Variants in UGP2 observed in about 807,000 individuals in gnomAD.
UGP2 encodes the protein UDP-glucose pyrophosphorylase 2.
Under a neutral mutation model 49.0 loss-of-function variants are expected in UGP2, and 40 were observed. The ratio of observed to expected loss-of-function variants is 0.82; its 90% confidence interval spans 0.63 to 1.06. The LOEUF (loss-of-function observed/expected upper bound fraction) is 1.06, where lower values mean the gene tolerates loss of function less well. Among genes scored for constraint, UGP2 ranks in the 50% least tolerant of loss-of-function variants. The pLI is 0.00. For missense variants in UGP2, 460 were observed against 603.5 expected (o/e 0.76, Z 2.49); for synonymous variants, 225 against 213.0 (o/e 1.06, Z -0.49).
At chr2:63,890,270 G>A (rs1672007343) in intron 9 of UGP2, 85 bp downstream of exon 9, 3 of 1,013,136 alleles carry the variant, frequency 3.0e-6, no homozygotes, top group Non-Finnish European at 4.3e-6. Flanking sequence ...TTTACTTTAA[G>A]GAATACTTGT....
rs563718454 is a variant in UGP2, at chr2:63,872,231, C to G, written c.256-10235C>G. ...CTAGAAATTCAATACTATATTTCAT[C>G]AAATTTGGGCCATTGATTATAAGTT... On this transcript the variant is annotated intron_variant, in intron 3 of 9. Transcript: ENST00000337130. Among the ~76,000 whole-genome samples the G allele has an allele frequency of 7.2e-5, 11 of 152,302 alleles. No homozygotes were observed. In the South Asian group the frequency reaches 2.3e-3, roughly 32 times the overall value.
At chr2:63,842,390 T>A in intron 1 of UGP2, 186 bp downstream of exon 1, 2 of 1,596,214 alleles carry the variant, frequency 1.3e-6, no homozygotes, top group South Asian at 2.2e-5. Flanking sequence ...CGCGTATAAT[T>A]TATGCTCCTG....
intron 8 of UGP2, chr2:63,887,992 A>G (rs750634393): frequency 1.1e-4 from 21 of 197,500 alleles, no homozygotes; most frequent in Admixed American, 2.1e-4. Context: ...TCTAGGTTCT[A>G]GGGATTTAGC....
intron 3 of UGP2, among the ~76,000 whole-genome samples, chr2:63,869,278 A>G (rs906921950): frequency 2.6e-5 from 4 of 152,212 alleles, no homozygotes; most frequent in African/African-American, 7.2e-5. Context: ...AGAGACCTAC[A>G]GTCTGTTTTA....
At chr2:63,856,503 C>G (rs538460288) in intron 2 of UGP2, 70 bp downstream of exon 2, 3 of 1,485,318 alleles carry the variant, frequency 2.0e-6, no homozygotes, top group Non-Finnish European at 2.7e-6. Context: ...GAGTTGCTGC[C>G]GGTGATGATG....
chr2:63,872,615 T>C (rs1670631649), intron 3 of UGP2, among the ~76,000 whole-genome samples: 1 of 152,208 alleles, frequency 6.6e-6, no homozygotes, highest in African/African-American at 2.4e-5. Context: ...TATATTTTAC[T>C]GTCTCATTTG....
chr2:63,845,619 G>A (rs1199886030), intron 1 of UGP2, among the ~76,000 whole-genome samples: 1 of 151,976 alleles, frequency 6.6e-6, no homozygotes, highest in East Asian at 1.9e-4. Flanking sequence ...GTACAAGTTG[G>A]TGACGGTTTT....
rs956064256 is a variant in UGP2, at chr2:63,857,769, T to A, written c.148-60T>A. ...TAAATGTGTAACTTGTATCTGTCTT[T>A]ATGTTTTTATTAAATATTAAGCATT... On this transcript the variant is annotated intron_variant, in intron 2 of 9. Transcript: ENST00000337130. 2.0e-6 allele frequency: 3 copies of A among 1,467,958 alleles called. No homozygotes were observed. In the African/African-American group the frequency reaches 4.2e-5, roughly 21 times the overall value. The allele number at this position is 1,467,958 out of a possible 1,614,324, so 90.9% of individuals were successfully genotyped here.
At chr2:63,848,700 T>G (rs1297155994) in intron 1 of UGP2, among the ~76,000 whole-genome samples, 1 of 152,204 alleles carries the variant, frequency 6.6e-6, no homozygotes, top group Admixed American at 6.5e-5. Context: ...CAGGCACGTG[T>G]CCTTCTATTA....
Position 63,842,193 on chromosome 2 carries a change from G to A in UGP2, c.8G>A (p.Arg3Lys). MS[R>K]FVQDLSKAMS... is the part of the protein sequence containing the mutation. ...TTTTACTAAGCCCCTAAAATGTCGA[G>A]ATTTGTACAAGGTAAGAAATGCTGC... The change falls in exon 1 of 10, where the codon AGA (arginine) becomes AAA (lysine). Residue 3 changes from arginine (R) to lysine (K), a missense_variant. Around this residue, in one of 2 missense-constraint regions of UGP2, gnomAD observed 143 missense variants for 130.4 expected, o/e 1.10. Coordinates refer to ENST00000337130, the MANE Select transcript of UGP2 (RefSeq NM_006759.4). 2 of 1,600,146 alleles carry A rather than the reference G, an allele frequency of 1.2e-6. No individual in the cohort carries two copies. The highest frequency in any genetic ancestry group is 1.4e-5 in the African/African-American group (1 of 73,662).
chr2:63,865,876 T>C (rs890726487), intron 3 of UGP2, among the ~76,000 whole-genome samples: 5 of 152,120 alleles, frequency 3.3e-5, no homozygotes, highest in Non-Finnish European at 5.9e-5. Flanking sequence ...CCCACCAAAG[T>C]GAGTGGCTTG....
At position 63,842,067 on chromosome 2, in the gene UGP2, T is replaced by A. The variant is rs1057040990; in HGVS notation, c.-119T>A. On this transcript the variant is annotated 5_prime_UTR_variant, in exon 1 of 10. Transcript: ENST00000337130. The stretch of plus-strand genomic sequence containing the variant: ...ATAAATACTCCCTTAAGTAGTTAAA[T>A]ATAGGAGGAGAAAGAATACATCGGT... The A allele has an allele frequency of 3.9e-6, 5 of 1,267,818 alleles. No homozygotes were observed. Among genetic ancestry groups the A allele is most frequent in the Non-Finnish European group, 5.4e-6 (5 of 925,090 alleles). 78.5% of individuals were successfully genotyped at this position (1,267,818 alleles called of 1,614,324 possible).
intron 3 of UGP2, among the ~76,000 whole-genome samples, chr2:63,868,070 GC>G (rs1670295349): frequency 6.6e-6 from 1 of 152,202 alleles, no homozygotes; most frequent in Non-Finnish European, 1.5e-5. Flanking sequence ...CCTTTAACCA[GC>G]AACTCCAACC....
intron 1 of UGP2, among the ~76,000 whole-genome samples, chr2:63,846,978 A>G (rs1222295582): frequency 6.6e-6 from 1 of 152,264 alleles, no homozygotes; most frequent in East Asian, 1.9e-4. Flanking sequence ...GAAATTTAAA[A>G]TGAAGAGTTG....
intron 3 of UGP2, among the ~76,000 whole-genome samples, chr2:63,865,699 C>T (rs1670138673): frequency 6.6e-6 from 1 of 151,882 alleles, no homozygotes; most frequent in Non-Finnish European, 1.5e-5. Context: ...TCAGCATGCC[C>T]ACCTAATTTT....
rs34145077 is a variant in UGP2 at position 63,886,068 on chromosome 2, G to T, written c.873+182G>T. Among the ~76,000 whole-genome samples, 26,728 of 151,816 alleles carry T rather than the reference G, an allele frequency of 0.18. 3,125 individuals are homozygous for T. Among genetic ancestry groups the T allele is most frequent in the Non-Finnish European group, 0.24 (16,326 of 67,906 alleles). On this transcript the variant is annotated intron_variant, in intron 6 of 9. Transcript: ENST00000337130. The stretch of plus-strand genomic sequence containing the variant: ...GTATCAAAATCATCTCTATTTTTTT[G>T]GATAAGCTACATCAGTAATTTTAAC...
chr2:63,877,487 T>C (rs994490787), intron 3 of UGP2, among the ~76,000 whole-genome samples: 1 of 152,242 alleles, frequency 6.6e-6, no homozygotes. Context: ...TATTACCTTA[T>C]TTTGTGTGCG....
intron 3 of UGP2, among the ~76,000 whole-genome samples, chr2:63,876,066 A>AC (rs1029794110): frequency 2.6e-5 from 4 of 151,762 alleles, no homozygotes; most frequent in Non-Finnish European, 5.9e-5. Context: ...CAGGCCTAAA[A>AC]CTTGTCTCTG....
chr2:63,874,160 G>T (rs1015505050), intron 3 of UGP2, among the ~76,000 whole-genome samples: 3 of 152,188 alleles, frequency 2.0e-5, no homozygotes, highest in African/African-American at 7.2e-5. Flanking sequence ...TGAAAGTCAG[G>T]GTTCTAAAGT....
Sources: allele counts gnomAD v4.1 joint callset (sites outside exome capture counted in the v4.1 genomes callset), GRCh38; gene constraint gnomAD v4.1.1; regional missense constraint gnomAD v4.1.1; transcripts MANE v1.5; gene names NCBI Gene and HGNC (gene_info 2026-07-23, HGNC 2026-07-21).